The following RBFOX1 variants were observed in gnomAD, a reference collection of about 807,000 sequenced individuals.
RBFOX1 encodes RNA binding fox-1 homolog 1.
Under a neutral mutation model 57.7 loss-of-function variants are expected in RBFOX1, and 8 were observed. The observed-to-expected ratio is 0.14, with a 90% CI of 0.08 to 0.25. The LOEUF (loss-of-function observed/expected upper bound fraction) is 0.25, where lower values mean the gene tolerates loss of function less well. RBFOX1 is among the 10% of genes least tolerant of loss of function. The pLI is 1.00. For synonymous variants in RBFOX1, 326 were observed against 222.4 expected (o/e 1.47, Z -4.15); for missense variants, 611 against 548.5 (o/e 1.11, Z -1.14).
intron 2 of RBFOX1, among the ~76,000 whole-genome samples, chr16:5,509,010 C>T (rs1236401328): frequency 2.0e-5 from 3 of 152,178 alleles, no homozygotes; most frequent in African/African-American, 4.8e-5. Flanking sequence ...AACTGGACTT[C>T]CTTCCCTCTC....
chr16:5,444,210 C>T (rs2068172830), intron 1 of RBFOX1, among the ~76,000 whole-genome samples: 2 of 152,164 alleles, frequency 1.3e-5, no homozygotes, highest in Non-Finnish European at 2.9e-5. Context: ...TTTTAGTTGG[C>T]AGCAGATTAA....
chr16:6,834,518 G>GAATA (rs2092944919), intron 3 of RBFOX1, among the ~76,000 whole-genome samples: 1 of 151,936 alleles, frequency 6.6e-6, no homozygotes, highest in Admixed American at 6.6e-5. Context: ...ATGAATGAAT[G>GAATA]AATGAATGAA....
chr16:6,016,896 A>G (rs1337709722), upstream of RBFOX1, among the ~76,000 whole-genome samples: 2 of 152,314 alleles, frequency 1.3e-5, no homozygotes, highest in South Asian at 2.1e-4. Flanking sequence ...GGCATGCCAT[A>G]TTGATCTTTA....
Position 6,156,881 on chromosome 16 carries a change from C to A in RBFOX1, c.-127+136889C>A, listed in dbSNP as rs1012487670. ...AAGAGACAGGGTCTTCTTACGTCAC[C>A]CAGACTGGATGGCAGGGGCATGATT... On this transcript the variant is annotated intron_variant, in intron 1 of 15. Coordinates refer to ENST00000550418, the MANE Select transcript of RBFOX1 (RefSeq NM_018723.4). 2.6e-5 allele frequency among the ~76,000 whole-genome samples: 4 copies of A among 152,108 alleles called. No homozygotes were observed. In the South Asian group the frequency reaches 6.3e-4, roughly 24 times the overall value.
chr16:5,454,854 T>TTTCTTTCTTTC (rs1555524090), intron 1 of RBFOX1, among the ~76,000 whole-genome samples: 70 of 67,520 alleles, frequency 1.0e-3, no homozygotes, highest in Middle Eastern at 6.8e-3. Flanking sequence ...TCTTTCTTTC[T>TTTCTTTCTTTC]TTTCTTTCTT....
At chr16:6,192,903 G>C (rs979495771) in intron 1 of RBFOX1, among the ~76,000 whole-genome samples, 25 of 152,208 alleles carry the variant, frequency 1.6e-4, no homozygotes, top group African/African-American at 5.8e-4. Context: ...TTTCATAACA[G>C]ACAAGCACTC....
chr16:6,329,990 T>G (rs544707195), intron 2 of RBFOX1, among the ~76,000 whole-genome samples: 1 of 152,128 alleles, frequency 6.6e-6, no homozygotes, highest in Non-Finnish European at 1.5e-5. Context: ...GTGGATGAAG[T>G]TGATGACTGG....
At chr16:7,247,618 C>G (rs914136051) in intron 4 of RBFOX1, among the ~76,000 whole-genome samples, 1 of 152,172 alleles carries the variant, frequency 6.6e-6, no homozygotes, top group Non-Finnish European at 1.5e-5. Flanking sequence ...AATGTATATC[C>G]TGATTCAGGA....
At chr16:7,345,834 T>G (rs992392828) in intron 4 of RBFOX1, among the ~76,000 whole-genome samples, 1 of 152,242 alleles carries the variant, frequency 6.6e-6, no homozygotes, top group Admixed American at 6.5e-5. Flanking sequence ...TTTTTGTTTT[T>G]ATTTTTATTA....
chr16:7,382,993 T>C (rs2097804864), intron 4 of RBFOX1, among the ~76,000 whole-genome samples: 1 of 152,184 alleles, frequency 6.6e-6, no homozygotes, highest in African/African-American at 2.4e-5. Flanking sequence ...GAGCTGTTCA[T>C]TAAACTTGAC....
intron 2 of RBFOX1, among the ~76,000 whole-genome samples, chr16:5,497,664 A>C (rs181214309): frequency 0.011 from 1,619 of 150,804 alleles, 13 homozygotes; most frequent in Non-Finnish European, 0.017. Flanking sequence ...ACACACTCCC[A>C]GCTGCTTGGG....
intron 4 of RBFOX1, among the ~76,000 whole-genome samples, chr16:7,480,048 A>T (rs1208783786): frequency 6.6e-6 from 1 of 152,156 alleles, no homozygotes; most frequent in Non-Finnish European, 1.5e-5. Flanking sequence ...GACTCAGTAA[A>T]CAACTGCCTT....
intron 4 of RBFOX1, among the ~76,000 whole-genome samples, chr16:7,471,266 G>T (rs1319266591): frequency 6.6e-6 from 1 of 152,122 alleles, no homozygotes; most frequent in Non-Finnish European, 1.5e-5. Flanking sequence ...GGGACATTTA[G>T]CTTTAGGCTA....
At chr16:6,599,941 G>A (rs974471721) in intron 2 of RBFOX1, among the ~76,000 whole-genome samples, 2 of 152,158 alleles carry the variant, frequency 1.3e-5, no homozygotes, top group African/African-American at 2.4e-5. Flanking sequence ...AATCAACAAA[G>A]CATTGAACGC....
chr16:6,866,298 C>G (rs893994442), intron 3 of RBFOX1, among the ~76,000 whole-genome samples: 2 of 151,718 alleles, frequency 1.3e-5, no homozygotes, highest in Non-Finnish European at 2.9e-5. Flanking sequence ...GGCTGATGGG[C>G]TTTAAGTTTC....
intron 3 of RBFOX1, among the ~76,000 whole-genome samples, chr16:6,725,426 C>T (rs955966177): frequency 6.6e-6 from 1 of 152,118 alleles, no homozygotes; most frequent in African/African-American, 2.4e-5. Flanking sequence ...GACCATCTGT[C>T]ACATCCTGTG....
At chr16:5,602,092 G>T (rs2047384419), downstream of RBFOX1, among the ~76,000 whole-genome samples, 1 of 152,210 alleles carries the variant, frequency 6.6e-6, no homozygotes, top group African/African-American at 2.4e-5. Context: ...TAGCAGGGCT[G>T]CTGAGCTGGG....
chr16:5,833,512 A>G (rs796782430), intron 3 of RBFOX1, among the ~76,000 whole-genome samples: 52 of 151,084 alleles, frequency 3.4e-4, no homozygotes, highest in Middle Eastern at 3.4e-3. Context: ...AAAAAAAAAA[A>G]AAAGAAAGAA....
intron 4 of RBFOX1, among the ~76,000 whole-genome samples, chr16:7,172,485 C>A (rs1381172074): frequency 6.6e-6 from 1 of 152,202 alleles, no homozygotes; most frequent in Non-Finnish European, 1.5e-5. Context: ...GATCCCCAGC[C>A]TTTTATCAGC....
Sources: gnomAD v4.1 joint callset for allele counts (sites outside exome capture counted in the v4.1 genomes callset) on GRCh38, gnomAD v4.1.1 for gene constraint, MANE v1.5 for transcripts, NCBI Gene and HGNC (gene_info 2026-07-23, HGNC 2026-07-21) for gene names.